Variants in SLC17A9 observed in about 807,000 individuals in gnomAD.
The protein encoded by SLC17A9 is voltage-gated purine nucleotide uniporter SLC17A9.
A neutral mutation model predicts 55.0 loss-of-function variants in SLC17A9; 49 were observed. That is an observed-to-expected ratio of 0.89 (90% CI 0.71 to 1.13). The LOEUF (loss-of-function observed/expected upper bound fraction) is 1.13. SLC17A9 is among the 50% of genes most tolerant of loss of function. SLC17A9 has a pLI of 0.00. For missense variants in SLC17A9, 526 were observed against 569.3 expected, an observed-to-expected ratio of 0.92 and a Z score of 0.77; for synonymous variants, 256 against 247.4, an observed-to-expected ratio of 1.03 and a Z score of -0.32.
At position 62,962,996 on chromosome 20, in the gene SLC17A9, G is replaced by A. The variant is rs2065602228; in HGVS notation, c.628+242G>A. The A allele has an allele frequency of 1.5e-6, 1 of 664,220 alleles. No homozygotes were observed. The allele number at this position is 664,220 out of a possible 1,614,324, so 41.1% of individuals were successfully genotyped here. ...CACCCAGGAAGACCTGCTGGGCACA[G>A]GTCAAGGCAGGGTGCAGGAGCAGCC... On this transcript the variant is annotated intron_variant, in intron 5 of 12. Transcript: ENST00000370351. The surrounding 1 kb of genome is among the most constrained non-coding windows in gnomAD (Gnocchi z 5.5).
chr20:62,965,333 G>T (rs2065625967), intron 9 of SLC17A9, among the ~76,000 whole-genome samples, 167 bp downstream of exon 9: 1 of 152,252 alleles, frequency 6.6e-6, no homozygotes, highest in South Asian at 2.1e-4. Flanking sequence ...TTAGACAGCT[G>T]TTGGGGGGAA....
At chr20:62,966,375 G>A in intron 10 of SLC17A9, 150 bp from the exon 11 acceptor site, 1 of 766,602 alleles carries the variant, frequency 1.3e-6, no homozygotes, top group Non-Finnish European at 2.1e-6. Context: ...GTGCAGGGCT[G>A]CAGTGCTCTG....
At chr20:62,957,130 G>C (rs2065543912) in intron 2 of SLC17A9, 168 bp downstream of exon 2, 2 of 982,026 alleles carry the variant, frequency 2.0e-6, no homozygotes, top group African/African-American at 1.7e-5. Flanking sequence ...CGTGGACACA[G>C]AGGATGCGAC....
chr20:62,957,821 G>T (rs1172818364), intron 3 of SLC17A9, among the ~76,000 whole-genome samples: 1 of 126,058 alleles, frequency 7.9e-6, no homozygotes, highest in East Asian at 2.8e-4. Context: ...GTGTGTGTAT[G>T]GGCATGCCCG....
At chr20:62,964,339 G>A (rs2065616485) in intron 8 of SLC17A9, 24 bp downstream of exon 8, 1 of 1,612,634 alleles carries the variant, frequency 6.2e-7, no homozygotes, top group Non-Finnish European at 8.5e-7. Context: ...AGGGGACCGG[G>A]GCTGGAAGCC....
Position 62,965,627 on chromosome 20 carries a change from C to T in SLC17A9, c.963C>T (p.Leu321=). 3 of 1,613,446 alleles carry T rather than the reference C, an allele frequency of 1.9e-6. No individual in the cohort carries two copies. The highest frequency in any genetic ancestry group is 2.2e-5 in the South Asian group (2 of 91,076). The part of the protein sequence containing the change: ...RKLMQGMGLG[L]SSVFALCLGH... ...TCCTGCAGGGCATGGGCCTTGGCCT[C>T]TCCAGCGTCTTTGCTCTGTGCCTGG... Residue 321 remains leucine (L), a synonymous_variant, in exon 10 of 13, where the codon CTC becomes CTT. Coordinates refer to ENST00000370351, the MANE Select transcript of SLC17A9 (RefSeq NM_022082.4).
At chr20:62,967,007 C>T (rs1469793097) in intron 12 of SLC17A9, 2 of 577,766 alleles carry the variant, frequency 3.5e-6, no homozygotes, top group Non-Finnish European at 6.1e-6. Flanking sequence ...ACCTCCTGGC[C>T]CCGCTGAGTG....
chr20:62,957,781 G>A (rs1195647022), intron 3 of SLC17A9, among the ~76,000 whole-genome samples: 5 of 140,168 alleles, frequency 3.6e-5, no homozygotes, highest in Admixed American at 2.1e-4. Flanking sequence ...GCGTGCATGC[G>A]TGCACCTGTG....
At chr20:62,964,160 T>A in intron 7 of SLC17A9, 68 bp from the exon 8 acceptor site, 3 of 1,528,814 alleles carry the variant, frequency 2.0e-6, no homozygotes, top group Non-Finnish European at 2.7e-6. Flanking sequence ...CTGTCCAGCC[T>A]GAGTATCCTC....
chr20:62,963,713 G>T, intron 7 of SLC17A9, 33 bp downstream of exon 7: 1 of 1,545,730 alleles, frequency 6.5e-7, no homozygotes, highest in Non-Finnish European at 8.8e-7. Flanking sequence ...GTGAAGGAGC[G>T]CCCAGAAGGC....
chr20:62,956,509 G>A (rs73316331), intron 1 of SLC17A9, among the ~76,000 whole-genome samples: 19,033 of 152,236 alleles, frequency 0.13, 1,594 homozygotes, highest in African/African-American at 0.23. Flanking sequence ...ATGAGTCGTT[G>A]CTGTGACCTG....
chr20:62,953,615 G>A (rs1376613384), intron 1 of SLC17A9, among the ~76,000 whole-genome samples: 1 of 152,246 alleles, frequency 6.6e-6, no homozygotes, highest in African/African-American at 2.4e-5. Context: ...TGGACCCTGG[G>A]CCTAGACTCA....
chr20:62,964,333 G>A lies in SLC17A9; in HGVS notation c.910+18G>A. The stretch of plus-strand genomic sequence containing the variant: ...CAATCAGGGTGAGCCCCAGGGAGGG[G>A]ACCGGGGCTGGAAGCCACACCCTGG... On this transcript the variant is annotated intron_variant, in intron 8 of 12. Coordinates refer to ENST00000370351, the MANE Select transcript of SLC17A9 (RefSeq NM_022082.4). The A allele has an allele frequency of 6.2e-7, 1 of 1,612,810 alleles. No homozygotes were observed. Among genetic ancestry groups the A allele is most frequent in the Non-Finnish European group, 8.5e-7 (1 of 1,178,790 alleles).
intron 9 of SLC17A9, 107 bp from the exon 10 acceptor site, chr20:62,965,503 G>T: frequency 1.9e-6 from 2 of 1,064,138 alleles, no homozygotes; most frequent in South Asian, 2.7e-5. Flanking sequence ...CAGCCAACCT[G>T]ACCGTTGTGC....
chr20:62,957,995 C>G (rs745429366), intron 3 of SLC17A9, among the ~76,000 whole-genome samples: 1 of 152,080 alleles, frequency 6.6e-6, no homozygotes, highest in South Asian at 2.1e-4. Context: ...CGTGTGCGTA[C>G]GTATGTGTGC....
Position 62,962,722 on chromosome 20 carries a change from G to A in SLC17A9, c.596G>A (p.Trp199Ter), listed in dbSNP as rs763738717. ...GGCGGCCTCACCTTGCTTTGGGTGTGGTACGTGTACAGGTACCTGCTGAGT... is the reference window on the plus strand; with the variant it reads ...GGCGGCCTCACCTTGCTTTGGGTGTAGTACGTGTACAGGTACCTGCTGAGT... ...FSGGLTLLWVWYVYRYLLSEK... is the reference protein window; with the variant it reads ...FSGGLTLLWV The change falls in exon 5 of 13, where the codon TGG (tryptophan) becomes TAG (stop). Residue 199 changes from tryptophan to a stop codon, truncating the protein, a stop_gained. Transcript: ENST00000370351. LOFTEE classifies it high-confidence loss of function. This position sits in a 1 kb window ranked among gnomAD's most constrained non-coding sequence, Gnocchi z 5.5. The A allele has an allele frequency of 4.3e-6, 7 of 1,614,024 alleles. No individual in the cohort carries two copies. The South Asian group carries it at 6.6e-5, about 15-fold the overall frequency.
rs3810459 is a variant in SLC17A9, at chr20:62,963,001, A to G, written c.628+247A>G. 0.56 allele frequency: 363,421 copies of G among 653,584 alleles called. 103,757 individuals carry two copies. The highest frequency in any genetic ancestry group is 0.73 in the East Asian group (26,181 of 35,808). The allele number at this position is 653,584 out of a possible 1,614,324, so 40.5% of individuals were successfully genotyped here. On this transcript the variant is annotated intron_variant, in intron 5 of 12. Transcript: ENST00000370351. ...AGGAAGACCTGCTGGGCACAGGTCAAGGCAGGGTGCAGGAGCAGCCGAGTC... is the reference window on the plus strand; with the variant it reads ...AGGAAGACCTGCTGGGCACAGGTCAGGGCAGGGTGCAGGAGCAGCCGAGTC...
Position 62,962,311 on chromosome 20 carries a change from T to G in SLC17A9, c.498-313T>G. ...GTTGAAAAGGATCCACATGACAAAT[T>G]GTAGGCCAATTGGAAGGCCTAGAAG... On this transcript the variant is annotated intron_variant, in intron 4 of 12. Transcript: ENST00000370351. The surrounding 1 kb of genome is among the most constrained non-coding windows in gnomAD (Gnocchi z 5.5). The G allele has an allele frequency of 4.3e-6, 1 of 234,140 alleles. No individual in the cohort carries two copies. Among genetic ancestry groups the G allele is most frequent in the Non-Finnish European group, 8.4e-6 (1 of 118,842 alleles). 14.5% of individuals were successfully genotyped at this position (234,140 alleles called of 1,614,324 possible).
chr20:62,963,245 C>T, intron 5 of SLC17A9, 28 bp from the exon 6 acceptor site: 1 of 1,609,332 alleles, frequency 6.2e-7, no homozygotes, highest in Non-Finnish European at 8.5e-7. Context: ...CCCTGATAGC[C>T]ATCAGTTTGA....
Sources: gnomAD v4.1 joint callset for allele counts (sites outside exome capture counted in the v4.1 genomes callset) on GRCh38, gnomAD v4.1.1 for gene constraint, Gnocchi (gnomAD v3.1) non-coding constraint, MANE v1.5 for transcripts, NCBI Gene and HGNC (gene_info 2026-07-23, HGNC 2026-07-21) for gene names.